The following MAP4 variants were observed in gnomAD, a reference collection of about 807,000 sequenced individuals.
MAP4 encodes microtubule-associated protein 4.
In MAP4, 76 loss-of-function variants were observed where a neutral mutation model predicts 170.2. The ratio of observed to expected loss-of-function variants is 0.45; its 90% CI spans 0.37 to 0.54. The LOEUF (loss-of-function observed/expected upper bound fraction) is 0.54. Among genes scored for constraint, MAP4 ranks in the 20% least tolerant of loss-of-function variants. The pLI, the probability that MAP4 is intolerant of heterozygous loss-of-function variation, is 0.00. For missense variants in MAP4, 2,506 were observed against 2,748.0 expected (o/e 0.91, Z 1.97); for synonymous variants, 909 against 994.5 (o/e 0.91, Z 1.62).
chr3:48,025,571 G>A (rs1047552824), intron 1 of MAP4, among the ~76,000 whole-genome samples: 4 of 151,938 alleles, frequency 2.6e-5, no homozygotes, highest in Admixed American at 6.6e-5. Flanking sequence ...TTACAGGCAT[G>A]AGCCACCATG....
intron 1 of MAP4, among the ~76,000 whole-genome samples, chr3:48,061,634 C>T (rs1307459433): frequency 4.1e-4 from 61 of 147,236 alleles, no homozygotes; most frequent in African/African-American, 6.5e-4. Context: ...AAGTGAGGAG[C>T]GTCTCTGCCT....
chr3:48,074,725 T>TGTGTGTGAGA (rs756153345), intron 1 of MAP4, among the ~76,000 whole-genome samples: 1 of 147,422 alleles, frequency 6.8e-6, no homozygotes, highest in Admixed American at 6.9e-5. Context: ...TGTGTGTGTG[T>TGTGTGTGAGA]GATATGTCGG....
chr3:47,973,216 A>T (rs2100079818), intron 3 of MAP4: 4 of 982,256 alleles, frequency 4.1e-6, no homozygotes, highest in Non-Finnish European at 3.6e-6. Context: ...TTATAAAAAC[A>T]TTATTTAAAA....
In MAP4 at chr3:47,977,856, A is replaced by T; in HGVS notation, c.292+9T>A. ...CCTACACATTTGGGGAATCCTGGGA[A>T]TCACTTACCTGTAGTATCGCTCCCT... On this transcript the variant is annotated intron_variant, in intron 3 of 20. Transcript: ENST00000683076. 2 of 1,602,254 alleles carry T rather than the reference A, an allele frequency of 1.2e-6. No homozygotes were observed. The highest frequency in any genetic ancestry group is 1.1e-5 in the South Asian group (1 of 90,482).
At chr3:47,905,412 A>G (rs1337006566) in intron 9 of MAP4, among the ~76,000 whole-genome samples, 1 of 152,098 alleles carries the variant, frequency 6.6e-6, no homozygotes, top group Non-Finnish European at 1.5e-5. Context: ...AATAGACCAA[A>G]TACATGCAGA....
chr3:47,929,412 TG>T (rs2100048043), intron 3 of MAP4, among the ~76,000 whole-genome samples: 1 of 152,040 alleles, frequency 6.6e-6, no homozygotes, highest in Admixed American at 6.6e-5. Context: ...AACGTGGTAC[TG>T]GAACAGAACA....
chr3:47,944,269 C>T (rs992856731), intron 3 of MAP4, among the ~76,000 whole-genome samples: 6 of 152,198 alleles, frequency 3.9e-5, no homozygotes, highest in African/African-American at 1.4e-4. Flanking sequence ...AAGATCACGT[C>T]ACTGCACTCC....
At chr3:48,012,691 C>T (rs773249838) in intron 1 of MAP4, among the ~76,000 whole-genome samples, 51 of 152,060 alleles carry the variant, frequency 3.4e-4, no homozygotes, top group Non-Finnish European at 6.8e-4. Context: ...CAGATGACTT[C>T]CTGGGCTGCA....
chr3:47,887,765 TCCA>T (rs1429896978), intron 10 of MAP4, among the ~76,000 whole-genome samples: 1 of 152,208 alleles, frequency 6.6e-6, no homozygotes, highest in African/African-American at 2.4e-5. Context: ...GGTTTGTGAA[TCCA>T]CCAATCGACA....
chr3:47,885,819 C>T (rs182757440), intron 10 of MAP4, among the ~76,000 whole-genome samples: 18 of 151,780 alleles, frequency 1.2e-4, no homozygotes, highest in African/African-American at 4.1e-4. Context: ...AGCTCCGCCT[C>T]CTGGGTTCAT....
chr3:47,989,638 C>T (rs1248145310), intron 2 of MAP4, among the ~76,000 whole-genome samples: 1 of 152,156 alleles, frequency 6.6e-6, no homozygotes, highest in Non-Finnish European at 1.5e-5. Flanking sequence ...CAACACCTCA[C>T]AATCTAAAAA....
intron 8 of MAP4, 54 bp from the exon 9 acceptor site, chr3:47,912,475 A>C: frequency 7.2e-7 from 1 of 1,395,866 alleles, no homozygotes. Flanking sequence ...ACAACAAAAA[A>C]CAAACAAACA....
chr3:47,908,360 T>C (rs1254957190), intron 9 of MAP4, among the ~76,000 whole-genome samples: 9 of 152,328 alleles, frequency 5.9e-5, no homozygotes, highest in African/African-American at 1.7e-4. Flanking sequence ...CTATGTTTGA[T>C]GGACACAGAC....
chr3:47,953,404 C>A (rs1276337254), intron 3 of MAP4, among the ~76,000 whole-genome samples: 1 of 152,104 alleles, frequency 6.6e-6, no homozygotes, highest in Non-Finnish European at 1.5e-5. Context: ...TGCCTGTAAT[C>A]CCAGCTACTC....
intron 1 of MAP4, among the ~76,000 whole-genome samples, chr3:48,045,213 G>A (rs912593986): frequency 7.9e-5 from 11 of 138,488 alleles, no homozygotes; most frequent in Non-Finnish European, 1.5e-4. Context: ...AGCCGAGATC[G>A]CACCACTGTG....
chr3:47,921,147 C>CA (rs951732665), intron 5 of MAP4, among the ~76,000 whole-genome samples: 4 of 151,092 alleles, frequency 2.6e-5, no homozygotes, highest in Admixed American at 6.6e-5. Flanking sequence ...GACCCTGTCT[C>CA]AAAAAAAAGG....
chr3:47,867,196 C>G (rs760947339), intron 17 of MAP4, 50 bp downstream of exon 17: 56 of 1,317,964 alleles, frequency 4.2e-5, no homozygotes, highest in Non-Finnish European at 5.9e-5. Flanking sequence ...CCTAGTATAC[C>G]CCACAGTGGG....
At chr3:48,066,721 A>G (rs1325710645) in intron 1 of MAP4, among the ~76,000 whole-genome samples, 3 of 151,142 alleles carry the variant, frequency 2.0e-5, no homozygotes, top group Admixed American at 2.0e-4. Flanking sequence ...TCTTATCTGC[A>G]GGAGGTCTGA....
chr3:48,055,118 G>T (rs1186501697), intron 1 of MAP4, among the ~76,000 whole-genome samples: 1 of 152,182 alleles, frequency 6.6e-6, no homozygotes, highest in African/African-American at 2.4e-5. Context: ...CGGGGACCAC[G>T]TGGGGAACCT....
Sources: allele counts gnomAD v4.1 joint callset (sites outside exome capture counted in the v4.1 genomes callset), GRCh38; gene constraint gnomAD v4.1.1; transcripts MANE v1.5; gene names NCBI Gene and HGNC (gene_info 2026-07-23, HGNC 2026-07-21).